Variants in BTBD1 observed in about 807,000 individuals in gnomAD.
BTBD1 encodes BTB/POZ domain-containing protein 1.
A neutral mutation model predicts 48.0 loss-of-function variants in BTBD1; 34 were observed. The ratio of observed to expected loss-of-function variants is 0.71; its 90% CI spans 0.54 to 0.94. The LOEUF (loss-of-function observed/expected upper bound fraction) is 0.94. Ranked by LOEUF, BTBD1 falls within the 40% of genes least tolerant of loss-of-function variation. BTBD1 has a pLI of 0.00. For synonymous variants in BTBD1, 261 were observed against 242.1 expected (o/e 1.08, Z -0.72); for missense variants, 543 against 625.6 (o/e 0.87, Z 1.41).
intron 3 of BTBD1, chr15:83,044,264 C>A (rs1596438551): frequency 1.5e-6 from 1 of 646,534 alleles, no homozygotes; most frequent in South Asian, 1.8e-5. Flanking sequence ...TAAAATAAAA[C>A]ATTTTAGATT....
At chr15:83,057,082 G>C (rs1179021964) in intron 1 of BTBD1, among the ~76,000 whole-genome samples, 1 of 152,158 alleles carries the variant, frequency 6.6e-6, no homozygotes, top group African/African-American at 2.4e-5. Context: ...AAACCAGAGA[G>C]AAAGCTACCA....
chr15:83,038,760 C>A (rs1043421085), intron 4 of BTBD1, among the ~76,000 whole-genome samples: 1 of 151,998 alleles, frequency 6.6e-6, no homozygotes, highest in Non-Finnish European at 1.5e-5. Context: ...ACCTACAGCA[C>A]CTCATCTTTG....
At chr15:83,040,714 A>C (rs964729666) in intron 4 of BTBD1, among the ~76,000 whole-genome samples, 3 of 150,472 alleles carry the variant, frequency 2.0e-5, no homozygotes, top group Non-Finnish European at 3.0e-5. Flanking sequence ...AAAAAAAAAA[A>C]AAAAAAACCA....
intron 3 of BTBD1, among the ~76,000 whole-genome samples, chr15:83,049,860 A>G (rs565509612): frequency 6.6e-6 from 1 of 152,342 alleles, no homozygotes; most frequent in Non-Finnish European, 1.5e-5. Flanking sequence ...CATTCAATGA[A>G]TATTTATTTG....
chr15:83,045,755 G>A lies in BTBD1; in HGVS notation c.665-3830C>T, dbSNP rs1426582111. Among the ~76,000 whole-genome samples the A allele has an allele frequency of 4.6e-5, 7 of 152,154 alleles. No homozygotes were observed. In the East Asian group the frequency reaches 1.2e-3, roughly 25 times the overall value. On this transcript the variant is annotated intron_variant, in intron 3 of 7. Transcript: ENST00000261721. ...ATGGCACCACGAAGCCCTTTCATAA[G>A]TAAATTAAATGCAATCAATATGACA...
intron 1 of BTBD1, among the ~76,000 whole-genome samples, chr15:83,060,516 G>A (rs35627116): frequency 0.11 from 17,315 of 151,102 alleles, 1,050 homozygotes; most frequent in Middle Eastern, 0.23. Context: ...ATTTAAAGCC[G>A]GGCACGGTAG....
Position 83,067,084 on chromosome 15 carries a change from G to C in BTBD1, c.68C>G (p.Ala23Gly), listed in dbSNP as rs544691434. The C allele has an allele frequency of 2.0e-6, 3 of 1,528,674 alleles. No individual in the cohort carries two copies. The African/African-American group carries it at 4.3e-5, about 22-fold the overall frequency. 94.7% of individuals were successfully genotyped at this position (1,528,674 alleles called of 1,614,324 possible). Reference sequence around the variant, plus strand: ...CGGTGAGGGCGGCGGCGGCGGCCCCGCGGGGCCCGGCTCCGCCTCAGCCCC... The same window carrying C: ...CGGTGAGGGCGGCGGCGGCGGCCCCCCGGGGCCCGGCTCCGCCTCAGCCCC... The part of the protein sequence containing the change: ...ASGAEAEPGP[A>G]GPPPPPSPSS... Residue 23 changes from alanine to glycine, a missense_variant, in exon 1 of 8, where the codon GCG (alanine) becomes GGG (glycine). This residue lies in a region of BTBD1 where 173 missense variants were observed against 163.9 expected (regional missense o/e 1.06). Coordinates refer to ENST00000261721, the MANE Select transcript of BTBD1 (RefSeq NM_025238.4).
At chr15:83,021,104 A>G (rs2032285190) in intron 5 of BTBD1, among the ~76,000 whole-genome samples, 1 of 152,212 alleles carries the variant, frequency 6.6e-6, no homozygotes, top group Admixed American at 6.5e-5. Context: ...CAGCATCTCA[A>G]ACTACGACAA....
intron 1 of BTBD1, among the ~76,000 whole-genome samples, chr15:83,064,658 C>T (rs1168263323): frequency 6.6e-6 from 1 of 151,988 alleles, no homozygotes; most frequent in Non-Finnish European, 1.5e-5. Context: ...GTTAAAAATG[C>T]TACCAAGGTC....
intron 1 of BTBD1, among the ~76,000 whole-genome samples, chr15:83,058,609 A>AT (rs993335325): frequency 2.2e-4 from 34 of 151,630 alleles, no homozygotes; most frequent in Non-Finnish European, 4.7e-4. Flanking sequence ...ACTTAAAAAA[A>AT]TTTTTTTTTA....
chr15:83,023,211 TTAAC>T (rs2032334720), intron 5 of BTBD1, among the ~76,000 whole-genome samples: 1 of 152,180 alleles, frequency 6.6e-6, no homozygotes, highest in East Asian at 1.9e-4. Flanking sequence ...TTCACTATAT[TTAAC>T]TAATGCCTTG....
At chr15:83,051,856 T>C (rs2032988993) in intron 2 of BTBD1, among the ~76,000 whole-genome samples, 1 of 50,938 alleles carries the variant, frequency 2.0e-5, no homozygotes, top group Non-Finnish European at 3.5e-5. Flanking sequence ...GCCTCATTTA[T>C]TAATTTTTTT....
chr15:83,043,330 G>A (rs1244767559), intron 3 of BTBD1, among the ~76,000 whole-genome samples: 2 of 152,138 alleles, frequency 1.3e-5, no homozygotes, highest in African/African-American at 2.4e-5. Context: ...CCAACGTGGT[G>A]GAGTGGAGTG....
intron 7 of BTBD1, 90 bp downstream of exon 7, chr15:83,018,617 G>T: frequency 7.1e-7 from 1 of 1,412,600 alleles, no homozygotes; most frequent in Non-Finnish European, 9.6e-7. Flanking sequence ...CTTTATAAAT[G>T]GCTCAGCTGT....
In BTBD1 at chr15:83,016,540, G is replaced by C. The variant is rs1178275454; in HGVS notation, c.*1527C>G. ...GGCTGCATGCAGTTTCAATTGTTCA[G>C]TACAACAGATGAGGCATTTAAAAGG... is the stretch of plus-strand genomic sequence containing the variant. On this transcript the variant is annotated 3_prime_UTR_variant, in exon 8 of 8. Transcript: ENST00000261721. 6.7e-6 allele frequency: 1 copy of C among 149,232 alleles called. No homozygotes were observed. Among genetic ancestry groups the C allele is most frequent in the African/African-American group, 2.5e-5 (1 of 40,750 alleles). The allele number at this position is 149,232 out of a possible 1,614,324, so 9.2% of individuals were successfully genotyped here.
Position 83,066,751 on chromosome 15 carries a change from C to T in BTBD1, c.401G>A (p.Arg134Lys). Reference sequence around the variant, plus strand: ...CGGCCCGGCCCGCGCTGCCGCTCACCTCAGCAGCGCCAGGAAGGCTGCGGG... The same window carrying T: ...CGGCCCGGCCCGCGCTGCCGCTCACTTCAGCAGCGCCAGGAAGGCTGCGGG... The part of the protein sequence containing the change: ...VEPAAFLALL[R>K]FLYSDEVQIG... The change falls in exon 1 of 8, where the codon AGA becomes AAA. Residue 134 changes from arginine to lysine, a missense_variant and splice_region_variant. By Grantham distance (26) the Arg-to-Lys change is conservative. Transcript: ENST00000261721. The T allele has an allele frequency of 7.2e-7, 1 of 1,396,736 alleles. No homozygotes were observed. The highest frequency in any genetic ancestry group is 9.2e-7 in the Non-Finnish European group (1 of 1,082,542). The allele number at this position is 1,396,736 out of a possible 1,614,324, so 86.5% of individuals were successfully genotyped here.
intron 1 of BTBD1, 62 bp downstream of exon 1, chr15:83,066,689 G>A: frequency 8.0e-7 from 1 of 1,255,092 alleles, no homozygotes. Context: ...GGGCCCCGGG[G>A]ATCTCCCAGC....
At chr15:83,049,932 CA>C (rs910643470) in intron 3 of BTBD1, 140 bp downstream of exon 3, 33 of 503,678 alleles carry the variant, frequency 6.6e-5, no homozygotes, top group Middle Eastern at 3.4e-4. Flanking sequence ...TTCACCAAAA[CA>C]AAAAAAAGCA....
rs1046131327 is a variant in BTBD1, at chr15:83,017,075, G to T, written c.*992C>A. The T allele has an allele frequency of 6.6e-6, 1 of 152,536 alleles. No individual in the cohort carries two copies. Among genetic ancestry groups the T allele is most frequent in the African/African-American group, 2.4e-5 (1 of 41,422 alleles). The allele number at this position is 152,536 out of a possible 1,614,324, so 9.4% of individuals were successfully genotyped here. ...CAACACAGCTGTAACACTGACTAAT[G>T]GGGTCATGACCATGAAGCAAATTTT... On this transcript the variant is annotated 3_prime_UTR_variant, in exon 8 of 8. Transcript: ENST00000261721.
Sources: gnomAD v4.1 joint callset for allele counts (sites outside exome capture counted in the v4.1 genomes callset) on GRCh38, gnomAD v4.1.1 for gene constraint, gnomAD v4.1.1 regional missense constraint, MANE v1.5 for transcripts, NCBI Gene and HGNC (gene_info 2026-07-23, HGNC 2026-07-21) for gene names.